ODAD4: variants seen among roughly 807,000 people sequenced by gnomAD.
ODAD4 encodes the protein outer dynein arm docking complex subunit 4, also known as outer dynein arm-docking complex subunit 4.
Under a neutral mutation model 51.8 loss-of-function variants are expected in ODAD4, and 49 were observed. The ratio of observed to expected loss-of-function variants is 0.95; its 90% confidence interval spans 0.75 to 1.20. The LOEUF is 1.20. ODAD4 is among the 50% of genes most tolerant of loss of function. The pLI is 0.00. For synonymous variants in ODAD4, 235 were observed against 221.3 expected, an observed-to-expected ratio of 1.06 and a Z score of -0.55; for missense variants, 590 against 586.5, an observed-to-expected ratio of 1.01 and a Z score of -0.06.
chr17:41,962,627 C>A (rs756371135), intron 11 of ODAD4, among the ~76,000 whole-genome samples: 56 of 152,192 alleles, frequency 3.7e-4, no homozygotes, highest in Non-Finnish European at 7.9e-4. Context: ...ATTAGCTTGA[C>A]TTTATGGAGG....
chr17:41,936,599 G>C, intron 4 of ODAD4, 65 bp downstream of exon 4: 2 of 1,527,850 alleles, frequency 1.3e-6, no homozygotes, highest in Non-Finnish European at 1.8e-6. Context: ...CTGAGAAGGG[G>C]TCTTGGGAGT....
chr17:41,938,518 C>T (rs1555638165), intron 5 of ODAD4, 39 bp from the exon 6 acceptor site: 1 of 1,566,390 alleles, frequency 6.4e-7, no homozygotes, highest in Non-Finnish European at 8.8e-7. Context: ...CCTTAGAGGC[C>T]TGTTCTCCTT....
rs2050378220 is a variant in ODAD4, at chr17:41,933,463, T to C, written c.115-1754T>C. On this transcript the variant is annotated intron_variant, in intron 1 of 11. Transcript: ENST00000377540. ...GTCAGGTGTTTGAGACCAGCCTGGC[T>C]AACATGGTGAAACCCTGTTTCTACT... 2.0e-5 allele frequency among the ~76,000 whole-genome samples: 3 copies of C among 151,942 alleles called. No homozygotes were observed. In the East Asian group the frequency reaches 5.8e-4, roughly 29 times the overall value.
At chr17:41,957,386 G>A (rs1567939040) in intron 10 of ODAD4, among the ~76,000 whole-genome samples, 1 of 152,014 alleles carries the variant, frequency 6.6e-6, no homozygotes, top group African/African-American at 2.4e-5. Context: ...GTTCACAATC[G>A]GGTTCTCCCT....
At chr17:41,959,303 C>T (rs1265103227) in intron 10 of ODAD4, among the ~76,000 whole-genome samples, 2 of 152,232 alleles carry the variant, frequency 1.3e-5, no homozygotes, top group African/African-American at 4.8e-5. Context: ...AAGCCCTTCC[C>T]ACAGCCAAAT....
At chr17:41,959,354 T>C (rs1302222403) in intron 10 of ODAD4, among the ~76,000 whole-genome samples, 1 of 152,230 alleles carries the variant, frequency 6.6e-6, no homozygotes, top group Non-Finnish European at 1.5e-5. Context: ...CCAGGAAGTA[T>C]CTGCTGGAGT....
At chr17:41,954,608 T>C (rs1464705783) in intron 9 of ODAD4, among the ~76,000 whole-genome samples, 1 of 151,996 alleles carries the variant, frequency 6.6e-6, no homozygotes, top group Non-Finnish European at 1.5e-5. Flanking sequence ...TCCCAGCACT[T>C]TGGGAGGCCG....
chr17:41,951,816 G>A (rs922692756), intron 9 of ODAD4, among the ~76,000 whole-genome samples: 13 of 148,718 alleles, frequency 8.7e-5, no homozygotes, highest in East Asian at 6.1e-4. Context: ...TCCAGGAGGC[G>A]GAGGTTGCAG....
chr17:41,952,783 T>A (rs1467105084), intron 9 of ODAD4: 1 of 402,128 alleles, frequency 2.5e-6, no homozygotes, highest in Non-Finnish European at 5.2e-6. Flanking sequence ...CAGACTTTAG[T>A]GCAGTGTCAC....
At chr17:41,931,436 AC>A (rs782606403) in intron 1 of ODAD4, among the ~76,000 whole-genome samples, 3 of 152,162 alleles carry the variant, frequency 2.0e-5, no homozygotes, top group Non-Finnish European at 4.4e-5. Flanking sequence ...GAGCAGCCTT[AC>A]CTTCCCATCA....
chr17:41,935,622 A>T lies in ODAD4; in HGVS notation c.270A>T (p.Thr90=), dbSNP rs375473709. The T allele has an allele frequency of 6.2e-7, 1 of 1,612,930 alleles. No individual in the cohort carries two copies. Among genetic ancestry groups the T allele is most frequent in the Non-Finnish European group, 8.5e-7 (1 of 1,179,492 alleles). Residue 90 remains threonine (T), a synonymous_variant, in exon 3 of 12, where the codon ACA becomes ACT. Transcript: ENST00000377540. ...FCKGILQKAE[T]LYTMGDFEFA... is the part of the protein sequence containing the mutation. The stretch of plus-strand genomic sequence containing the variant: ...AGGGGATTTTGCAAAAGGCTGAGAC[A>T]CTGTACACCATGGGAGACTTTGAGT...
intron 8 of ODAD4, among the ~76,000 whole-genome samples, chr17:41,945,510 G>C (rs1383728485): frequency 1.3e-5 from 2 of 151,822 alleles, no homozygotes; most frequent in Non-Finnish European, 2.9e-5. Flanking sequence ...CCAGTGGAAG[G>C]TATCCAAGTT....
chr17:41,936,912 C>T lies in ODAD4; in HGVS notation c.610C>T (p.Leu204Phe), dbSNP rs781955655. The T allele has an allele frequency of 7.4e-6, 12 of 1,613,886 alleles. No individual in the cohort carries two copies. In the South Asian group the frequency reaches 1.2e-4, roughly 16 times the overall value. ...CGTGGACAAAGAGTATTTGGAGAAG[C>T]TCCTATTGGATGAAGGTTTCGGACA... ...LYVDKEYLEK[L>F]LLDEDLIKGT... Residue 204 changes from leucine (L) to phenylalanine (F), a missense_variant, in exon 5 of 12, where the codon CTC becomes TTC. This residue lies in a region of ODAD4 where 360 missense variants were observed against 407.5 expected (regional missense o/e 0.88). Coordinates refer to ENST00000377540, the MANE Select transcript of ODAD4 (RefSeq NM_031421.5).
intron 9 of ODAD4, among the ~76,000 whole-genome samples, chr17:41,951,361 T>C (rs1555639796): frequency 6.6e-6 from 1 of 151,872 alleles, no homozygotes; most frequent in East Asian, 2.0e-4. Flanking sequence ...GGGATTACAG[T>C]TGTGAGCCAC....
chr17:41,937,065 T>C (rs2050439931), intron 5 of ODAD4, 138 bp downstream of exon 5: 7 of 1,073,378 alleles, frequency 6.5e-6, no homozygotes, highest in Non-Finnish European at 9.5e-6. Context: ...AGCATTCTCA[T>C]TTTACAGATG....
Position 41,930,793 on chromosome 17 carries a change from TA to T in ODAD4, c.71del (p.Tyr24SerfsTer35), listed in dbSNP as rs1819161913. On this transcript the variant is annotated frameshift_variant, in exon 1 of 12. Coordinates refer to ENST00000377540, the MANE Select transcript of ODAD4 (RefSeq NM_031421.5). LOFTEE classifies it high-confidence loss of function. ...PSYMAEGERLYLCGEFSKAAQ... is the reference protein window; with the variant it reads ...PSYMAEGERLXLCGEFSKAAQ... ...TTATATGGCCGAAGGCGAGCGGCTC[TA>T]CCTGTGCGGGGAATTTTCTAAAGCC... The T allele has an allele frequency of 6.3e-7, 1 of 1,590,592 alleles. No homozygotes were observed. Among genetic ancestry groups the T allele is most frequent in the African/African-American group, 1.4e-5 (1 of 74,044 alleles).
chr17:41,938,006 A>ATAG (rs2050450973), intron 5 of ODAD4, among the ~76,000 whole-genome samples: 2 of 152,200 alleles, frequency 1.3e-5, no homozygotes, highest in African/African-American at 4.8e-5. Context: ...CTCCTTAGCA[A>ATAG]CAGGCCTGAA....
chr17:41,948,134 T>A (rs2050611111), intron 8 of ODAD4, among the ~76,000 whole-genome samples: 3 of 151,338 alleles, frequency 2.0e-5, no homozygotes, highest in African/African-American at 7.3e-5. Flanking sequence ...AATAAATAAA[T>A]AAAAATAAAA....
At position 41,945,771 on chromosome 17, in the gene ODAD4, C is replaced by T. The variant is rs201634430; in HGVS notation, c.1145+549C>T. On this transcript the variant is annotated intron_variant, in intron 8 of 11. Coordinates refer to ENST00000377540, the MANE Select transcript of ODAD4 (RefSeq NM_031421.5). ...CAAAAATTAGCCGAACACGTTGGCACGTGCCTGTAGTCCCAGCTGCTCGGG... is the reference window on the plus strand; with the variant it reads ...CAAAAATTAGCCGAACACGTTGGCATGTGCCTGTAGTCCCAGCTGCTCGGG... Among the ~76,000 whole-genome samples the T allele has an allele frequency of 3.3e-5, 5 of 150,768 alleles. No individual in the cohort carries two copies. In the East Asian group the frequency reaches 1.0e-3, roughly 30 times the overall value.
Sources: allele counts gnomAD v4.1 joint callset (sites outside exome capture counted in the v4.1 genomes callset), GRCh38; gene constraint gnomAD v4.1.1; regional missense constraint gnomAD v4.1.1; transcripts MANE v1.5; gene names NCBI Gene and HGNC (gene_info 2026-07-23, HGNC 2026-07-21).